TSPAN33: variants seen among roughly 807,000 people sequenced by gnomAD.
TSPAN33 encodes tetraspanin 33.
A neutral mutation model predicts 34.8 loss-of-function variants in TSPAN33; 27 were observed. The ratio of observed to expected loss-of-function variants is 0.78; its 90% CI spans 0.57 to 1.07. The LOEUF (loss-of-function observed/expected upper bound fraction) is 1.07. TSPAN33 is among the 50% of genes least tolerant of loss of function. The probability of loss-of-function intolerance (pLI) is 0.00; values close to 1 mark genes in which losing one functional copy is unlikely to be tolerated. For synonymous variants in TSPAN33, 119 were observed against 124.2 expected, an observed-to-expected ratio of 0.96 and a Z score of 0.28; for missense variants, 272 against 324.9, an observed-to-expected ratio of 0.84 and a Z score of 1.25.
chr7:129,146,528 C>T (rs1000943825), intron 1 of TSPAN33, among the ~76,000 whole-genome samples: 3 of 152,206 alleles, frequency 2.0e-5, no homozygotes, highest in African/African-American at 7.2e-5. Flanking sequence ...TACTGAACCA[C>T]AGTGCCGCTG....
At chr7:129,158,203 C>T (rs770831261) in intron 1 of TSPAN33, among the ~76,000 whole-genome samples, 6 of 152,182 alleles carry the variant, frequency 3.9e-5, no homozygotes, top group African/African-American at 7.2e-5. Context: ...GGGATAATTT[C>T]CCTAGCTCAA....
chr7:129,159,692 T>C (rs936938907), intron 1 of TSPAN33, among the ~76,000 whole-genome samples: 6 of 152,222 alleles, frequency 3.9e-5, no homozygotes, highest in African/African-American at 1.4e-4. Context: ...GGGGAATGAC[T>C]GGCATCTCTG....
chr7:129,146,321 C>T (rs929922243), intron 1 of TSPAN33, among the ~76,000 whole-genome samples: 7 of 152,130 alleles, frequency 4.6e-5, no homozygotes, highest in African/African-American at 1.4e-4. Flanking sequence ...GCGCACTCAG[C>T]CATCCTACTC....
intron 1 of TSPAN33, among the ~76,000 whole-genome samples, chr7:129,155,211 CAT>C (rs930490440): frequency 2.6e-4 from 40 of 152,134 alleles, no homozygotes; most frequent in African/African-American, 9.7e-4. Flanking sequence ...AAGTGAAACT[CAT>C]AGAGGTAGAG....
rs983423600 is a variant in TSPAN33 at position 129,162,813 on chromosome 7, T to C, written c.289-20T>C. ...TGCCATGAGTGGTCCTAGACGCCTC[T>C]TCTTCCTGCTGCTCCACAGTTCTCC... On this transcript the variant is annotated intron_variant, in intron 3 of 7. Transcript: ENST00000486685. 1.9e-5 allele frequency: 31 copies of C among 1,613,124 alleles called. No individual in the cohort carries two copies. Among genetic ancestry groups the C allele is most frequent in the Non-Finnish European group, 2.4e-5 (28 of 1,179,826 alleles).
intron 1 of TSPAN33, among the ~76,000 whole-genome samples, chr7:129,147,317 A>T (rs1355688769): frequency 6.6e-6 from 1 of 152,182 alleles, no homozygotes; most frequent in South Asian, 2.1e-4. Flanking sequence ...TGAACTATTT[A>T]AGGATGAATG....
At chr7:129,153,441 AAGAC>A in intron 1 of TSPAN33, among the ~76,000 whole-genome samples, 1 of 151,780 alleles carries the variant, frequency 6.6e-6, no homozygotes, top group Middle Eastern at 3.2e-3. Context: ...CAGTGTCTTA[AAGAC>A]CAAAAACAAA....
intron 5 of TSPAN33, chr7:129,166,489 A>G (rs1793142250): frequency 8.4e-6 from 2 of 238,904 alleles, no homozygotes; most frequent in African/African-American, 2.3e-5. Context: ...ACTTCTCTCA[A>G]GAAGATTATA....
At chr7:129,153,816 C>T (rs1245387703) in intron 1 of TSPAN33, among the ~76,000 whole-genome samples, 1 of 152,044 alleles carries the variant, frequency 6.6e-6, no homozygotes, top group Non-Finnish European at 1.5e-5. Flanking sequence ...TGGCATGTGT[C>T]TGTAGTCCCA....
At chr7:129,163,477 C>A (rs1793085881) in intron 4 of TSPAN33, among the ~76,000 whole-genome samples, 1 of 151,830 alleles carries the variant, frequency 6.6e-6, no homozygotes, top group South Asian at 2.1e-4. Flanking sequence ...TCATGTGCCA[C>A]CATGATTGGC....
intron 1 of TSPAN33, among the ~76,000 whole-genome samples, chr7:129,147,024 A>C (rs1810530795): frequency 1.3e-5 from 2 of 149,886 alleles, no homozygotes; most frequent in African/African-American, 2.5e-5. Flanking sequence ...GATCTCAGCC[A>C]GGAGAGAGTT....
intron 1 of TSPAN33, among the ~76,000 whole-genome samples, chr7:129,147,598 C>G (rs933459588): frequency 6.6e-6 from 1 of 152,212 alleles, no homozygotes; most frequent in African/African-American, 2.4e-5. Flanking sequence ...CTTCCACCAT[C>G]CTAATCAAAT....
chr7:129,167,647 T>G lies in TSPAN33; in HGVS notation c.750+87T>G. 1 of 1,562,140 alleles carries G rather than the reference T, an allele frequency of 6.4e-7. No individual in the cohort carries two copies. Among genetic ancestry groups the G allele is most frequent in the Non-Finnish European group, 8.8e-7 (1 of 1,141,742 alleles). On this transcript the variant is annotated intron_variant, in intron 7 of 7. Transcript: ENST00000486685. This position sits in a 1 kb window ranked among gnomAD's most constrained non-coding sequence, Gnocchi z 4.6. ...GAAGGCACCTGGGGATCAGCGAGGG[T>G]GTCAGGCACTGACATGGCTGAGGGG...
chr7:129,167,559 A>C lies in TSPAN33; in HGVS notation c.749A>C (p.Gln250Pro). ...GTGGCTCTAGGCCTGGCCATCCCCC[A>C]GGTAACTTACCCTGTGAGACTTGTT... Reference protein sequence around the residue: ...GGVALGLAIPQLVGILLSQIL... With the variant: ...GGVALGLAIPPLVGILLSQIL... The change falls in exon 7 of 8, where the codon CAG (glutamine) becomes CCG (proline). Residue 250 changes from glutamine to proline, a missense_variant and splice_region_variant. Gln to Pro is a moderately conservative substitution (Grantham distance 76, BLOSUM62 -1). Coordinates refer to ENST00000486685, the MANE Select transcript of TSPAN33 (RefSeq NM_178562.5). The surrounding 1 kb of genome is among the most constrained non-coding windows in gnomAD (Gnocchi z 4.6). The C allele has an allele frequency of 6.2e-7, 1 of 1,613,616 alleles. No homozygotes were observed. Among genetic ancestry groups the C allele is most frequent in the Non-Finnish European group, 8.5e-7 (1 of 1,179,644 alleles).
chr7:129,167,946 C>T lies in TSPAN33; in HGVS notation c.*72C>T, dbSNP rs1793169928. 3 of 1,560,290 alleles carry T rather than the reference C, an allele frequency of 1.9e-6. No individual in the cohort carries two copies. The highest frequency in any genetic ancestry group is 1.4e-5 in the African/African-American group (1 of 73,386). On this transcript the variant is annotated 3_prime_UTR_variant, in exon 8 of 8. Coordinates refer to ENST00000486685, the MANE Select transcript of TSPAN33 (RefSeq NM_178562.5). This position sits in a 1 kb window ranked among gnomAD's most constrained non-coding sequence, Gnocchi z 4.6. ...AACGAACAGCAGTGGGTGCTGAAAG[C>T]AGCACCAAATGGAGATTTGGATTCC...
At position 129,167,703 on chromosome 7, in the gene TSPAN33, G is replaced by A. The variant is rs1793163364; in HGVS notation, c.751-70G>A. ...AAAGGGATAGTGCTGGCCGCACTGG[G>A]AAGATCGAGCCAGGGAAAACAAGGC... On this transcript the variant is annotated intron_variant, in intron 7 of 7. Coordinates refer to ENST00000486685, the MANE Select transcript of TSPAN33 (RefSeq NM_178562.5). This position sits in a 1 kb window ranked among gnomAD's most constrained non-coding sequence, Gnocchi z 4.6. 6.3e-7 allele frequency: 1 copy of A among 1,583,212 alleles called. No individual in the cohort carries two copies. The highest frequency in any genetic ancestry group is 8.7e-7 in the Non-Finnish European group (1 of 1,154,546).
chr7:129,146,322 C>T (rs1810519796), intron 1 of TSPAN33, among the ~76,000 whole-genome samples: 1 of 152,176 alleles, frequency 6.6e-6, no homozygotes. Flanking sequence ...CGCACTCAGC[C>T]ATCCTACTCC....
intron 1 of TSPAN33, among the ~76,000 whole-genome samples, chr7:129,157,296 A>G (rs191319191): frequency 2.6e-5 from 4 of 152,198 alleles, no homozygotes; most frequent in Admixed American, 6.5e-5. Context: ...TTCACCTCCA[A>G]ACGTGATGCT....
chr7:129,150,291 C>G (rs1810575512), intron 1 of TSPAN33, among the ~76,000 whole-genome samples: 1 of 152,188 alleles, frequency 6.6e-6, no homozygotes, highest in South Asian at 2.1e-4. Flanking sequence ...TTTCAGAGTG[C>G]TGTTCCAGAG....
Sources: gnomAD v4.1 joint callset for allele counts (sites outside exome capture counted in the v4.1 genomes callset) on GRCh38, gnomAD v4.1.1 for gene constraint, Gnocchi (gnomAD v3.1) non-coding constraint, MANE v1.5 for transcripts, NCBI Gene and HGNC (gene_info 2026-07-23, HGNC 2026-07-21) for gene names.